BAZ2B: variants seen among roughly 807,000 people sequenced by gnomAD.
The protein encoded by BAZ2B is bromodomain adjacent to zinc finger domain 2B, also known as bromodomain adjacent to zinc finger domain protein 2B.
A neutral mutation model predicts 246.0 loss-of-function variants in BAZ2B; 91 were observed. The ratio of observed to expected loss-of-function variants is 0.37; its 90% CI spans 0.31 to 0.44. BAZ2B has a LOEUF of 0.44. BAZ2B is among the 20% of genes least tolerant of loss of function. The probability of loss-of-function intolerance (pLI) is 1.00; values close to 1 mark genes in which losing one functional copy is unlikely to be tolerated. For synonymous variants in BAZ2B, 855 were observed against 860.0 expected, an observed-to-expected ratio of 0.99 and a Z score of 0.10; for missense variants, 2,332 against 2,533.7, an observed-to-expected ratio of 0.92 and a Z score of 1.71.
chr2:159,440,004 A>T (rs2073088268), intron 6 of BAZ2B, among the ~76,000 whole-genome samples: 1 of 152,210 alleles, frequency 6.6e-6, no homozygotes, highest in African/African-American at 2.4e-5. Context: ...AAGAAAACAT[A>T]ATAGTAGTGG....
At chr2:159,443,111 T>C (rs181699701) in intron 6 of BAZ2B, among the ~76,000 whole-genome samples, 1 of 152,312 alleles carries the variant, frequency 6.6e-6, no homozygotes, top group African/African-American at 2.4e-5. Flanking sequence ...ACTGCCATAC[T>C]GTTTTCCACA....
chr2:159,533,780 TGAGCAACTAA>T (rs1444589266), intron 2 of BAZ2B, among the ~76,000 whole-genome samples: 5 of 152,210 alleles, frequency 3.3e-5, no homozygotes, highest in Non-Finnish European at 7.4e-5. Context: ...ATATCCTTTA[TGAGCAACTAA>T]GAGTAAACCA....
intron 8 of BAZ2B, among the ~76,000 whole-genome samples, chr2:159,436,777 G>T (rs2072424492): frequency 1.3e-5 from 2 of 151,648 alleles, no homozygotes; most frequent in Admixed American, 6.6e-5. Flanking sequence ...AAAAACAGTT[G>T]ATAAAAGAAA....
At chr2:159,649,018 T>G in the BAZ2B span, among the ~76,000 whole-genome samples, 59 of 152,314 alleles carry the variant, frequency 3.9e-4, no homozygotes, top group Non-Finnish European at 6.3e-4. Flanking sequence ...GTCATTCTAA[T>G]AGGTGTGTGG....
intron 2 of BAZ2B, among the ~76,000 whole-genome samples, chr2:159,486,013 G>A (rs1191530876): frequency 6.6e-6 from 1 of 151,970 alleles, no homozygotes; most frequent in Non-Finnish European, 1.5e-5. Flanking sequence ...TTTGCAATGA[G>A]CTATCTGTGG....
chr2:159,581,155 T>C (rs2151632567), intron 1 of BAZ2B, among the ~76,000 whole-genome samples: 1 of 152,178 alleles, frequency 6.6e-6, no homozygotes, highest in East Asian at 1.9e-4. Context: ...AGAAAATTTT[T>C]ACGATCTACC....
the BAZ2B span, among the ~76,000 whole-genome samples, chr2:159,678,498 A>C: frequency 6.6e-6 from 1 of 152,080 alleles, no homozygotes; most frequent in Admixed American, 6.6e-5. Flanking sequence ...CACAGTTACA[A>C]CCTGTACTAA....
intron 14 of BAZ2B, among the ~76,000 whole-genome samples, chr2:159,406,958 G>T (rs925030704): frequency 1.3e-5 from 2 of 151,734 alleles, no homozygotes; most frequent in African/African-American, 2.4e-5. Context: ...GTTTCACCGT[G>T]TTAGACAGGA....
At chr2:159,512,798 T>C (rs528288604) in intron 2 of BAZ2B, among the ~76,000 whole-genome samples, 1 of 152,248 alleles carries the variant, frequency 6.6e-6, no homozygotes, top group Admixed American at 6.5e-5. Flanking sequence ...TACTGAAAGC[T>C]CTGTAGTTAT....
At chr2:159,484,301 G>T (rs1163816896) in intron 2 of BAZ2B, among the ~76,000 whole-genome samples, 1 of 152,150 alleles carries the variant, frequency 6.6e-6, no homozygotes, top group Non-Finnish European at 1.5e-5. Flanking sequence ...GAGTCAAGCT[G>T]ATTTTGATGA....
chr2:159,338,753 G>A (rs149765627), intron 31 of BAZ2B, among the ~76,000 whole-genome samples: 1 of 152,084 alleles, frequency 6.6e-6, no homozygotes, highest in Non-Finnish European at 1.5e-5. Context: ...CCACTTCCTG[G>A]GATGATATTG....
intron 2 of BAZ2B, among the ~76,000 whole-genome samples, chr2:159,503,929 A>C (rs2082078801): frequency 6.6e-6 from 1 of 152,176 alleles, no homozygotes; most frequent in Admixed American, 6.5e-5. Flanking sequence ...AAAAGTTCCC[A>C]CAAAGTAGTG....
chr2:159,348,552 G>T, intron 30 of BAZ2B, 126 bp downstream of exon 30: 3 of 1,145,322 alleles, frequency 2.6e-6, no homozygotes, highest in South Asian at 1.8e-5. Context: ...TCTGCGATTG[G>T]TTGAATCCAT....
intron 2 of BAZ2B, among the ~76,000 whole-genome samples, chr2:159,526,789 G>A (rs1179795611): frequency 6.6e-6 from 1 of 152,044 alleles, no homozygotes; most frequent in Non-Finnish European, 1.5e-5. Flanking sequence ...TTAGTAAGGA[G>A]GTGAAACACT....
chr2:159,375,320 AC>A (rs1275053920), intron 25 of BAZ2B, among the ~76,000 whole-genome samples: 1 of 152,230 alleles, frequency 6.6e-6, no homozygotes, highest in East Asian at 1.9e-4. Flanking sequence ...GCAGAGTAAG[AC>A]TACTTTTAGT....
intron 34 of BAZ2B, among the ~76,000 whole-genome samples, chr2:159,328,069 C>T (rs1369176353): frequency 1.8e-5 from 2 of 111,524 alleles, no homozygotes; most frequent in South Asian, 2.7e-4. Context: ...AGCCTCAAAA[C>T]GAAAAAAAAA....
At chr2:159,438,966 A>T in intron 7 of BAZ2B, 43 bp downstream of exon 7, 1 of 1,574,916 alleles carries the variant, frequency 6.3e-7, no homozygotes. Context: ...TTAATTCCTA[A>T]ATATGAATAA....
chr2:159,432,165 G>T (rs1368114912), intron 9 of BAZ2B, among the ~76,000 whole-genome samples: 1 of 151,702 alleles, frequency 6.6e-6, no homozygotes, highest in Non-Finnish European at 1.5e-5. Context: ...TTTTGTATTC[G>T]CAATTTAAGC....
At chr2:159,572,298 G>C (rs1367616097) in intron 1 of BAZ2B, among the ~76,000 whole-genome samples, 2 of 152,108 alleles carry the variant, frequency 1.3e-5, no homozygotes, top group African/African-American at 4.8e-5. Flanking sequence ...AAACTGAAGG[G>C]GGTTGTGGGA....
Sources: allele counts gnomAD v4.1 joint callset (sites outside exome capture counted in the v4.1 genomes callset), GRCh38; gene constraint gnomAD v4.1.1; transcripts MANE v1.5; gene names NCBI Gene and HGNC (gene_info 2026-07-23, HGNC 2026-07-21).